BCAS3: variants seen among roughly 807,000 people sequenced by gnomAD.
BCAS3 encodes BCAS4/BCAS3 fusion.
Under a neutral mutation model 116.1 loss-of-function variants are expected in BCAS3, and 53 were observed. That is an observed-to-expected ratio of 0.46 (90% CI 0.37 to 0.57). The LOEUF (loss-of-function observed/expected upper bound fraction) is 0.57. Among genes scored for constraint, BCAS3 ranks in the 20% least tolerant of loss-of-function variants. The probability of loss-of-function intolerance (pLI) is 0.00; values close to 1 mark genes in which losing one functional copy is unlikely to be tolerated. For synonymous variants in BCAS3, 391 were observed against 408.2 expected (o/e 0.96, Z 0.51); for missense variants, 917 against 1,165.4 (o/e 0.79, Z 3.10).
chr17:61,110,147 A>G (rs556649379), intron 22 of BCAS3, among the ~76,000 whole-genome samples: 1 of 152,208 alleles, frequency 6.6e-6, no homozygotes, highest in Non-Finnish European at 1.5e-5. Flanking sequence ...AAGAGCATGC[A>G]GTTTCATTCT....
In BCAS3 at chr17:61,332,178, G is replaced by A. The variant is rs936128939; in HGVS notation, c.2426-36149G>A. ...TCTCTCTGGAAAGGCTCTGCAGAGA[G>A]ACACCTGGATGGCTTCTCTTCTATG... On this transcript the variant is annotated intron_variant, in intron 22 of 23. Transcript: ENST00000407086. This position sits in a 1 kb window ranked among gnomAD's most constrained non-coding sequence, Gnocchi z 5.4. Among the ~76,000 whole-genome samples the A allele has an allele frequency of 2.6e-5, 4 of 152,214 alleles. No individual in the cohort carries two copies. Among genetic ancestry groups the A allele is most frequent in the African/African-American group, 7.2e-5 (3 of 41,454 alleles).
intron 5 of BCAS3, among the ~76,000 whole-genome samples, chr17:60,724,227 T>C (rs1331938466): frequency 2.0e-5 from 3 of 148,660 alleles, no homozygotes; most frequent in East Asian, 2.1e-4. Flanking sequence ...AGTTCAAGAC[T>C]AGCCTGGCCA....
At chr17:60,706,461 G>A (rs1805684521) in intron 4 of BCAS3, among the ~76,000 whole-genome samples, 1 of 149,174 alleles carries the variant, frequency 6.7e-6, no homozygotes, top group South Asian at 2.1e-4. Flanking sequence ...CAAAATATAT[G>A]TTAATTGACT....
intron 15 of BCAS3, among the ~76,000 whole-genome samples, chr17:60,997,574 A>G (rs1252072973): frequency 1.3e-5 from 2 of 152,206 alleles, no homozygotes; most frequent in Non-Finnish European, 2.9e-5. Flanking sequence ...TTCACCAGTT[A>G]GTAAATTTTT....
At chr17:60,813,521 T>G (rs910634789) in intron 7 of BCAS3, among the ~76,000 whole-genome samples, 1 of 152,258 alleles carries the variant, frequency 6.6e-6, no homozygotes, top group Non-Finnish European at 1.5e-5. Flanking sequence ...AGATATTTGT[T>G]GGGTGCATAG....
rs964821075 is a variant in BCAS3 at position 61,215,787 on chromosome 17, A to G, written c.2425+131223A>G. Among the ~76,000 whole-genome samples the G allele has an allele frequency of 2.0e-5, 3 of 152,200 alleles. No individual in the cohort carries two copies. Among genetic ancestry groups the G allele is most frequent in the Non-Finnish European group, 2.9e-5 (2 of 68,032 alleles). ...TGCAGTAGTTCTCAACCTTGACTATATATTAGAATTCCTTGGAGACCTTTT... is the reference window on the plus strand; with the variant it reads ...TGCAGTAGTTCTCAACCTTGACTATGTATTAGAATTCCTTGGAGACCTTTT... On this transcript the variant is annotated intron_variant, in intron 22 of 23. Coordinates refer to ENST00000407086, the MANE Select transcript of BCAS3 (RefSeq NM_017679.5). This position sits in a 1 kb window ranked among gnomAD's most constrained non-coding sequence, Gnocchi z 4.8.
At chr17:61,173,149 A>G (rs1290910179) in intron 22 of BCAS3, among the ~76,000 whole-genome samples, 1 of 151,638 alleles carries the variant, frequency 6.6e-6, no homozygotes, top group Non-Finnish European at 1.5e-5. Flanking sequence ...ATAAAAAGGA[A>G]AATTAGAAAT....
Position 60,805,734 on chromosome 17 carries a change from A to G in BCAS3, c.404-2270A>G, listed in dbSNP as rs545843315. Among the ~76,000 whole-genome samples the G allele has an allele frequency of 2.6e-5, 4 of 151,974 alleles. No homozygotes were observed. The South Asian group carries it at 8.3e-4, about 32-fold the overall frequency. ...TCCCAGCTACTTGGAAGGCTGAGGC[A>G]GGAGAATAGCTCGAACCTGGGAGGC... is the stretch of plus-strand genomic sequence containing the variant. On this transcript the variant is annotated intron_variant, in intron 6 of 23. Coordinates refer to ENST00000407086, the MANE Select transcript of BCAS3 (RefSeq NM_017679.5).
chr17:60,945,722 A>G (rs1469061754), intron 13 of BCAS3, among the ~76,000 whole-genome samples: 3 of 151,654 alleles, frequency 2.0e-5, no homozygotes, highest in African/African-American at 7.3e-5. Context: ...AATCTGTTGA[A>G]CCCAGGAAGT....
chr17:61,363,150 A>T lies in BCAS3; in HGVS notation c.2426-5177A>T, dbSNP rs1469354323. On this transcript the variant is annotated intron_variant, in intron 22 of 23. Transcript: ENST00000407086. The surrounding 1 kb of genome is among the most constrained non-coding windows in gnomAD (Gnocchi z 4.9). ...GTACGGAAATAAGGCCACAGGAATG[A>T]TCTAATTAACCTGGGGTCCACAGGT... Among the ~76,000 whole-genome samples the T allele has an allele frequency of 1.3e-5, 2 of 152,214 alleles. No homozygotes were observed. Among genetic ancestry groups the T allele is most frequent in the African/African-American group, 2.4e-5 (1 of 41,448 alleles).
At chr17:60,693,519 A>G (rs1020913777) in intron 4 of BCAS3, among the ~76,000 whole-genome samples, 3 of 151,196 alleles carry the variant, frequency 2.0e-5, no homozygotes, top group Admixed American at 2.0e-4. Flanking sequence ...GGCTCAAGCA[A>G]TCCTCCCACC....
chr17:61,128,054 A>T lies in BCAS3; in HGVS notation c.2425+43490A>T, dbSNP rs1173786555. On this transcript the variant is annotated intron_variant, in intron 22 of 23. Transcript: ENST00000407086. This position sits in a 1 kb window ranked among gnomAD's most constrained non-coding sequence, Gnocchi z 4.1. ...GAACACCACAATTCCCATTGAGCTCAGAAAATGTGATTAAGGAGTTTGAAT... is the reference window on the plus strand; with the variant it reads ...GAACACCACAATTCCCATTGAGCTCTGAAAATGTGATTAAGGAGTTTGAAT... 2 of 327,676 alleles carry T rather than the reference A, an allele frequency of 6.1e-6. No homozygotes were observed. The highest frequency in any genetic ancestry group is 8.7e-6 in the Non-Finnish European group (2 of 229,054). 20.3% of individuals were successfully genotyped at this position (327,676 alleles called of 1,614,324 possible). A position where few individuals can be genotyped will look rare whatever the true frequency, so the allele number is the denominator to read the frequency against.
chr17:60,814,306 T>TGTGCGCGC (rs368289350), intron 7 of BCAS3, among the ~76,000 whole-genome samples: 1 of 148,302 alleles, frequency 6.7e-6, no homozygotes, highest in African/African-American at 2.5e-5. Flanking sequence ...TGTGTGTGTG[T>TGTGCGCGC]GCGCGCGTGC....
chr17:60,763,406 G>A (rs2043747889), intron 6 of BCAS3, among the ~76,000 whole-genome samples: 1 of 152,180 alleles, frequency 6.6e-6, no homozygotes, highest in South Asian at 2.1e-4. Flanking sequence ...TTAGCATGAA[G>A]TGCTGTCGAA....
rs534258712 is a variant in BCAS3, at chr17:61,220,794, G to C, written c.2425+136230G>C. On this transcript the variant is annotated intron_variant, in intron 22 of 23. Transcript: ENST00000407086. The surrounding 1 kb of genome is among the most constrained non-coding windows in gnomAD (Gnocchi z 4.5). Reference sequence around the variant, plus strand: ...AGGAGCCTCTGAGGAAAAGATGTCTGTGTTCCACCTAGAAAGTGTAGTTCG... The same window carrying C: ...AGGAGCCTCTGAGGAAAAGATGTCTCTGTTCCACCTAGAAAGTGTAGTTCG... 6.6e-6 allele frequency among the ~76,000 whole-genome samples: 1 copy of C among 152,268 alleles called. No individual in the cohort carries two copies. Among genetic ancestry groups the C allele is most frequent in the Non-Finnish European group, 1.5e-5 (1 of 68,012 alleles).
At chr17:61,057,218 T>C (rs1679271082) in intron 19 of BCAS3, among the ~76,000 whole-genome samples, 1 of 152,206 alleles carries the variant, frequency 6.6e-6, no homozygotes, top group African/African-American at 2.4e-5. Context: ...TGTTCTACCC[T>C]CTCCTGACTA....
intron 22 of BCAS3, among the ~76,000 whole-genome samples, chr17:61,255,444 T>C (rs776557072): frequency 6.6e-6 from 1 of 152,246 alleles, no homozygotes; most frequent in Non-Finnish European, 1.5e-5. Flanking sequence ...AATTTGATGA[T>C]GTCTTGAGAG....
intron 16 of BCAS3, among the ~76,000 whole-genome samples, chr17:61,025,879 A>G (rs553720100): frequency 4.6e-5 from 7 of 152,148 alleles, no homozygotes; most frequent in Non-Finnish European, 1.0e-4. Context: ...TTTGTGGTCA[A>G]ATATACTCAG....
At chr17:61,179,048 G>A (rs2079316397) in intron 22 of BCAS3, among the ~76,000 whole-genome samples, 1 of 151,992 alleles carries the variant, frequency 6.6e-6, no homozygotes, top group African/African-American at 2.4e-5. Context: ...AAATGGCATT[G>A]CTAGGTAAAT....
Sources: allele counts gnomAD v4.1 joint callset (sites outside exome capture counted in the v4.1 genomes callset), GRCh38; gene constraint gnomAD v4.1.1; non-coding constraint Gnocchi (gnomAD v3.1); transcripts MANE v1.5; gene names NCBI Gene and HGNC (gene_info 2026-07-23, HGNC 2026-07-21).